Variants in SFMBT1 observed in about 807,000 individuals in gnomAD.
SFMBT1 encodes the protein scm-like with four MBT domains protein 1.
In SFMBT1, 32 loss-of-function variants were observed where a neutral mutation model predicts 108.7. The observed-to-expected ratio is 0.29, with a 90% CI of 0.22 to 0.40. The LOEUF is 0.40. SFMBT1 is among the 10% of genes least tolerant of loss of function. The probability of loss-of-function intolerance (pLI) is 1.00; values close to 1 mark genes in which losing one functional copy is unlikely to be tolerated. For synonymous variants in SFMBT1, 348 were observed against 369.5 expected, an observed-to-expected ratio of 0.94 and a Z score of 0.67; for missense variants, 816 against 1,059.6, an observed-to-expected ratio of 0.77 and a Z score of 3.19.
intron 2 of SFMBT1, among the ~76,000 whole-genome samples, chr3:52,955,878 A>C (rs953038068): frequency 7.9e-5 from 12 of 152,226 alleles, no homozygotes; most frequent in South Asian, 2.1e-4. Context: ...CCTGATACCA[A>C]AACCTGTCAG....
intron 2 of SFMBT1, among the ~76,000 whole-genome samples, chr3:52,965,343 G>C (rs1278473644): frequency 6.9e-6 from 1 of 144,020 alleles, no homozygotes. Flanking sequence ...AAAATGAAGA[G>C]AGTCTGAGGG....
chr3:52,908,350 G>A (rs1254562113), intron 17 of SFMBT1, among the ~76,000 whole-genome samples: 1 of 152,034 alleles, frequency 6.6e-6, no homozygotes, highest in African/African-American at 2.4e-5. Flanking sequence ...GGGATTACAG[G>A]CATGAGCCAC....
intron 2 of SFMBT1, among the ~76,000 whole-genome samples, chr3:52,967,819 A>C (rs937436966): frequency 2.6e-5 from 4 of 152,190 alleles, no homozygotes; most frequent in Non-Finnish European, 5.9e-5. Flanking sequence ...AGTAATGACA[A>C]CACCAGATAG....
chr3:52,931,106 C>T, intron 6 of SFMBT1, 71 bp from the exon 7 acceptor site: 10 of 1,393,052 alleles, frequency 7.2e-6, no homozygotes, highest in Non-Finnish European at 9.1e-6. Context: ...TGAAAGCATT[C>T]ACATAAACAA....
chr3:52,944,589 G>A (rs1027240502), intron 3 of SFMBT1, among the ~76,000 whole-genome samples: 9 of 152,010 alleles, frequency 5.9e-5, no homozygotes, highest in Non-Finnish European at 8.8e-5. Flanking sequence ...GCGTGATCTC[G>A]GCTTACCGCA....
chr3:52,905,328 T>A (rs763043870), intron 20 of SFMBT1, 52 bp from the exon 21 acceptor site: 1 of 1,576,130 alleles, frequency 6.3e-7, no homozygotes, highest in South Asian at 1.2e-5. Flanking sequence ...GAAAGGCAGC[T>A]TGATCATGAC....
At chr3:52,979,437 G>A (rs915060629) in intron 1 of SFMBT1, among the ~76,000 whole-genome samples, 24 of 152,124 alleles carry the variant, frequency 1.6e-4, no homozygotes, top group African/African-American at 4.3e-4. Flanking sequence ...AAAGCCTTCC[G>A]CCACATAGCT....
At chr3:52,995,901 G>A (rs140228708) in intron 1 of SFMBT1, among the ~76,000 whole-genome samples, 1,978 of 148,952 alleles carry the variant, frequency 0.013, 74 homozygotes, top group African/African-American at 0.046. Context: ...GTGAAACCCC[G>A]TCTCTACTAA....
chr3:52,947,401 G>A (rs917442069), intron 3 of SFMBT1, among the ~76,000 whole-genome samples: 2 of 152,194 alleles, frequency 1.3e-5, no homozygotes, highest in Non-Finnish European at 2.9e-5. Flanking sequence ...ACAGGCGTGA[G>A]CCACCGCGCC....
intron 20 of SFMBT1, among the ~76,000 whole-genome samples, 199 bp downstream of exon 20, chr3:52,905,914 A>G (rs1475350071): frequency 6.6e-6 from 1 of 152,200 alleles, no homozygotes; most frequent in African/African-American, 2.4e-5. Context: ...CTGGAATGCA[A>G]TGATAATCTC....
chr3:52,942,838 G>A (rs1051236933), intron 4 of SFMBT1, among the ~76,000 whole-genome samples: 4 of 152,056 alleles, frequency 2.6e-5, no homozygotes, highest in Admixed American at 6.5e-5. Context: ...TCTTAAATCC[G>A]GAGTCCTCTT....
At chr3:52,949,166 G>A (rs1004834155) in intron 3 of SFMBT1, among the ~76,000 whole-genome samples, 8 of 152,044 alleles carry the variant, frequency 5.3e-5, no homozygotes, top group African/African-American at 1.9e-4. Flanking sequence ...TTTCACTGTG[G>A]TTTGAGAGCA....
chr3:52,946,255 T>C (rs144186866), intron 3 of SFMBT1, among the ~76,000 whole-genome samples: 1 of 152,178 alleles, frequency 6.6e-6, no homozygotes, highest in South Asian at 2.1e-4. Flanking sequence ...GACAAATAAA[T>C]GCAATATGGC....
At chr3:52,969,009 C>CCAG in intron 2 of SFMBT1, 92 bp downstream of exon 2, 1 of 1,488,974 alleles carries the variant, frequency 6.7e-7, no homozygotes, top group Non-Finnish European at 9.3e-7. Flanking sequence ...CAAAGAGCTT[C>CCAG]CAGTTCAGTG....
chr3:53,035,926 A>G (rs1575453835), intron 1 of SFMBT1, among the ~76,000 whole-genome samples: 1 of 152,218 alleles, frequency 6.6e-6, no homozygotes, highest in African/African-American at 2.4e-5. Flanking sequence ...GGAGCCCTTC[A>G]GCATTTTTGA....
intron 17 of SFMBT1, among the ~76,000 whole-genome samples, chr3:52,910,293 A>G (rs1283885427): frequency 3.3e-5 from 5 of 152,170 alleles, no homozygotes; most frequent in Admixed American, 3.3e-4. Flanking sequence ...GTGCTAGAGC[A>G]GCATAAGCAC....
chr3:52,932,297 C>T lies in SFMBT1; in HGVS notation c.465G>A (p.Gly155=). 6.2e-7 allele frequency: 1 copy of T among 1,613,832 alleles called. No homozygotes were observed. The highest frequency in any genetic ancestry group is 1.1e-5 in the South Asian group (1 of 90,992). ...GAGCAATGAGATCTAAAGGATTCCTCCCATTACGGAGCTGTAGGATTAAAA... is the reference window on the plus strand; with the variant it reads ...GAGCAATGAGATCTAAAGGATTCCTTCCATTACGGAGCTGTAGGATTAAAA... The part of the protein sequence containing the change: ...PVPLLEGLRN[G]RNPLDLIAPG... Residue 155 remains glycine, a synonymous_variant, in exon 6 of 21, where the codon GGG becomes GGA. Transcript: ENST00000394752.
intron 9 of SFMBT1, among the ~76,000 whole-genome samples, chr3:52,927,428 T>C (rs1170129854): frequency 2.0e-5 from 3 of 152,198 alleles, no homozygotes; most frequent in Non-Finnish European, 2.9e-5. Flanking sequence ...AGCCCAGTGT[T>C]CCAGCAGTCA....
intron 1 of SFMBT1, among the ~76,000 whole-genome samples, chr3:52,974,775 A>C (rs79112731): frequency 0.029 from 4,349 of 148,174 alleles, 226 homozygotes; most frequent in African/African-American, 0.1. Flanking sequence ...GAATCACTTG[A>C]GCTCACGAGT....
Sources: gnomAD v4.1 joint callset for allele counts (sites outside exome capture counted in the v4.1 genomes callset) on GRCh38, gnomAD v4.1.1 for gene constraint, MANE v1.5 for transcripts, NCBI Gene and HGNC (gene_info 2026-07-23, HGNC 2026-07-21) for gene names.